ZNF100: variants seen among roughly 807,000 people sequenced by gnomAD.
The protein encoded by ZNF100 is zinc finger protein 100.
ZNF100 carries 12 observed loss-of-function variants against 15.8 expected under a neutral mutation model. That is an observed-to-expected ratio of 0.76 (90% CI 0.49 to 1.23). ZNF100 has a LOEUF of 1.23. Ranked by LOEUF, ZNF100 falls within the 50% of genes most tolerant of loss-of-function variation. ZNF100 has a pLI of 0.00. For missense variants in ZNF100, 670 were observed against 635.6 expected (o/e 1.05, Z -0.58); for synonymous variants, 226 against 214.8 (o/e 1.05, Z -0.45).
chr19:21,727,778 T>C lies in ZNF100; in HGVS notation c.534A>G (p.Gln178=), dbSNP rs764955571. 3.1e-6 allele frequency: 5 copies of C among 1,613,912 alleles called. No individual in the cohort carries two copies. The highest frequency in any genetic ancestry group is 4.2e-6 in the Non-Finnish European group (5 of 1,179,868). ...GAAAGACTTTTGCAGATGGATCACA[T>C]TGAAATATGTTGCTCTGGGTAGTTA... ...CLITTQSNIF[Q]CDPSAKVFHT... is the part of the protein sequence containing the mutation. The change falls in exon 5 of 5, where the codon CAA becomes CAG. Residue 178 remains glutamine, a synonymous_variant. Transcript: ENST00000358296.
chr19:21,763,720 G>A (rs2036517425), intron 2 of ZNF100, among the ~76,000 whole-genome samples: 1 of 152,102 alleles, frequency 6.6e-6, no homozygotes, highest in African/African-American at 2.4e-5. Flanking sequence ...AGAACATGCT[G>A]ACTTCAGGGT....
At chr19:21,748,134 G>A (rs1248767634) in intron 2 of ZNF100, among the ~76,000 whole-genome samples, 3 of 152,300 alleles carry the variant, frequency 2.0e-5, no homozygotes, top group Non-Finnish European at 2.9e-5. Flanking sequence ...GAATGTTTCT[G>A]TAAGCACTGG....
At chr19:21,765,639 C>A in intron 2 of ZNF100, 55 bp downstream of exon 2, 5 of 1,548,168 alleles carry the variant, frequency 3.2e-6, no homozygotes, top group Non-Finnish European at 4.4e-6. Context: ...CAACGTGTCT[C>A]CAAGAAATGA....
At chr19:21,766,247 T>TACTGC (rs1208323655) in intron 1 of ZNF100, among the ~76,000 whole-genome samples, 1 of 152,052 alleles carries the variant, frequency 6.6e-6, no homozygotes, top group Non-Finnish European at 1.5e-5. Flanking sequence ...TTTAGTATCT[T>TACTGC]ACTGCAAGCC....
chr19:21,763,883 T>A (rs2036520184), intron 2 of ZNF100, among the ~76,000 whole-genome samples: 1 of 152,212 alleles, frequency 6.6e-6, no homozygotes, highest in Non-Finnish European at 1.5e-5. Flanking sequence ...TTGGTATTCC[T>A]CCTGTTCTAA....
intron 2 of ZNF100, among the ~76,000 whole-genome samples, chr19:21,759,194 CA>C (rs768455402): frequency 1.9e-4 from 29 of 152,032 alleles, no homozygotes; most frequent in Non-Finnish European, 3.4e-4. Flanking sequence ...TCCTCAAGTT[CA>C]ATAATTTGAT....
intron 4 of ZNF100, among the ~76,000 whole-genome samples, chr19:21,729,441 G>T (rs2035874377): frequency 7.4e-6 from 1 of 134,424 alleles, no homozygotes; most frequent in Non-Finnish European, 1.6e-5. Context: ...AGGGGGGAGG[G>T]ATAGCATTAG....
At chr19:21,743,950 T>C (rs994096936) in intron 4 of ZNF100, 67 bp downstream of exon 4, 27 of 1,464,556 alleles carry the variant, frequency 1.8e-5, no homozygotes, top group Non-Finnish European at 2.5e-5. Flanking sequence ...CACATTTTAA[T>C]GACCAGCTTT....
intron 2 of ZNF100, chr19:21,751,869 G>T: frequency 1.4e-6 from 1 of 700,476 alleles, no homozygotes; most frequent in Non-Finnish European, 2.5e-6. Context: ...AGGTCTTTCA[G>T]CGCTGATCAA....
chr19:21,754,273 G>C (rs1248065647), intron 2 of ZNF100, among the ~76,000 whole-genome samples: 1 of 151,410 alleles, frequency 6.6e-6, no homozygotes, highest in Non-Finnish European at 1.5e-5. Flanking sequence ...ATGGAGTTCA[G>C]AGCTTGGAGA....
At chr19:21,740,556 G>A (rs1599386739) in intron 4 of ZNF100, among the ~76,000 whole-genome samples, 1 of 152,184 alleles carries the variant, frequency 6.6e-6, no homozygotes, top group South Asian at 2.1e-4. Flanking sequence ...AGTCACATGT[G>A]ATAAGAGTTA....
At chr19:21,764,975 A>G (rs75001417) in intron 2 of ZNF100, among the ~76,000 whole-genome samples, 12,015 of 152,254 alleles carry the variant, frequency 0.079, 550 homozygotes, top group Middle Eastern at 0.15. Context: ...GAGCATTCTA[A>G]AAGCTAAGCC....
At chr19:21,754,160 T>C (rs1206265072) in intron 2 of ZNF100, among the ~76,000 whole-genome samples, 1 of 152,004 alleles carries the variant, frequency 6.6e-6, no homozygotes, top group African/African-American at 2.4e-5. Flanking sequence ...CATATTGTGC[T>C]GCAATTTCCA....
chr19:21,767,318 A>G, intron 1 of ZNF100, 109 bp downstream of exon 1: 2 of 1,584,442 alleles, frequency 1.3e-6, no homozygotes, highest in Non-Finnish European at 1.7e-6. Flanking sequence ...GGCAAGGCGC[A>G]GATTGTGAAG....
chr19:21,730,664 GTA>G (rs1364835122), intron 4 of ZNF100, among the ~76,000 whole-genome samples: 1 of 152,032 alleles, frequency 6.6e-6, no homozygotes, highest in Non-Finnish European at 1.5e-5. Flanking sequence ...TCTAACAGAG[GTA>G]TAGAGAAGAT....
At chr19:21,745,667 C>A (rs559301279) in intron 2 of ZNF100, among the ~76,000 whole-genome samples, 3 of 152,024 alleles carry the variant, frequency 2.0e-5, no homozygotes, top group Admixed American at 6.5e-5. Flanking sequence ...GGACTACAGG[C>A]GCCCGCCACC....
chr19:21,727,788 T>C lies in ZNF100; in HGVS notation c.524A>G (p.Asn175Ser), dbSNP rs1477583435. 1.2e-6 allele frequency: 2 copies of C among 1,613,516 alleles called. No homozygotes were observed. Among genetic ancestry groups the C allele is most frequent in the Non-Finnish European group, 8.5e-7 (1 of 1,179,828 alleles). Residue 175 changes from asparagine (N) to serine (S), a missense_variant, in exon 5 of 5, where the codon AAC (asparagine) becomes AGC (serine). Physicochemically the swap from Asn to Ser is conservative, Grantham distance 46. Coordinates refer to ENST00000358296, the MANE Select transcript of ZNF100 (RefSeq NM_173531.4). ...TGCAGATGGATCACATTGAAATATGTTGCTCTGGGTAGTTATCAAACACTG... is the reference window on the plus strand; with the variant it reads ...TGCAGATGGATCACATTGAAATATGCTGCTCTGGGTAGTTATCAAACACTG... The part of the protein sequence containing the change: ...LNQCLITTQS[N>S]IFQCDPSAKV...
chr19:21,727,956 G>A lies in ZNF100; in HGVS notation c.356C>T (p.Ala119Val). The A allele has an allele frequency of 6.5e-7, 1 of 1,540,922 alleles. No homozygotes were observed. The highest frequency in any genetic ancestry group is 8.7e-7 in the Non-Finnish European group (1 of 1,149,526). ...AAAAGAATCTTTAATGTCCTGCTCT[G>A]CCCAAAGGTCTTGGGGAAAATGAGA... is the stretch of plus-strand genomic sequence containing the variant. Reference protein sequence around the residue: ...ICSHFPQDLWAEQDIKDSFQE... With the variant: ...ICSHFPQDLWVEQDIKDSFQE... Residue 119 changes from alanine to valine, a missense_variant, in exon 5 of 5, where the codon GCA becomes GTA. Transcript: ENST00000358296.
chr19:21,740,485 G>GGA (rs2036088769), intron 4 of ZNF100, among the ~76,000 whole-genome samples: 1 of 147,254 alleles, frequency 6.8e-6, no homozygotes. Context: ...ATCCACATTA[G>GGA]AAAAAAAAAA....
Sources: allele counts gnomAD v4.1 joint callset (sites outside exome capture counted in the v4.1 genomes callset), GRCh38; gene constraint gnomAD v4.1.1; transcripts MANE v1.5; gene names NCBI Gene and HGNC (gene_info 2026-07-23, HGNC 2026-07-21).